The following SAMD8 variants were observed in gnomAD, a reference collection of about 807,000 sequenced individuals.
The protein encoded by SAMD8 is sphingomyelin synthase-related protein 1.
Under a neutral mutation model 42.0 loss-of-function variants are expected in SAMD8, and 20 were observed. That is an observed-to-expected ratio of 0.48 (90% CI 0.34 to 0.69). The LOEUF is 0.69. SAMD8 is among the 30% of genes least tolerant of loss of function. The pLI, the probability that SAMD8 is intolerant of heterozygous loss-of-function variation, is 0.01. For missense variants in SAMD8, 328 were observed against 511.6 expected, an observed-to-expected ratio of 0.64 and a Z score of 3.46; for synonymous variants, 162 against 173.0, an observed-to-expected ratio of 0.94 and a Z score of 0.50.
At chr10:75,149,179 A>G (rs1840221470) in intron 1 of SAMD8, among the ~76,000 whole-genome samples, 1 of 152,214 alleles carries the variant, frequency 6.6e-6, no homozygotes, top group East Asian at 1.9e-4. Context: ...TACTTTTGAG[A>G]AATAGTGTTT....
intron 1 of SAMD8, among the ~76,000 whole-genome samples, chr10:75,128,660 A>G (rs184298701): frequency 1.3e-5 from 2 of 152,348 alleles, no homozygotes; most frequent in East Asian, 3.9e-4. Flanking sequence ...TAGTAAAGCT[A>G]TAAAGAAAAA....
intron 2 of SAMD8, among the ~76,000 whole-genome samples, chr10:75,163,618 A>G (rs961748634): frequency 6.6e-6 from 1 of 151,824 alleles, no homozygotes; most frequent in Non-Finnish European, 1.5e-5. Flanking sequence ...TATTTTTTGT[A>G]GAGACCTGGG....
chr10:75,119,375 T>A (rs1429858038), intron 1 of SAMD8, among the ~76,000 whole-genome samples: 2 of 152,260 alleles, frequency 1.3e-5, no homozygotes, highest in East Asian at 3.9e-4. Context: ...CAGGCTGGTC[T>A]CGAACTCCTG....
Position 75,111,670 on chromosome 10 carries a change from G to A in SAMD8, c.-68G>A. 1 of 1,239,590 alleles carries A rather than the reference G, an allele frequency of 8.1e-7. No homozygotes were observed. Among genetic ancestry groups the A allele is most frequent in the Non-Finnish European group, 1.0e-6 (1 of 992,028 alleles). 76.8% of individuals were successfully genotyped at this position (1,239,590 alleles called of 1,614,324 possible). ...GGGAGGGCCCCGGACTCCGACGGCGGCTCGGACGCCGACTCGGAGGTGGGT... is the reference window on the plus strand; with the variant it reads ...GGGAGGGCCCCGGACTCCGACGGCGACTCGGACGCCGACTCGGAGGTGGGT... On this transcript the variant is annotated 5_prime_UTR_variant, in exon 1 of 6. Coordinates refer to ENST00000542569, the MANE Select transcript of SAMD8 (RefSeq NM_001174156.2).
chr10:75,170,770 G>GTTTTTTTTT (rs34290557), intron 4 of SAMD8, among the ~76,000 whole-genome samples: 1 of 105,218 alleles, frequency 9.5e-6, no homozygotes, highest in Non-Finnish European at 1.8e-5. Flanking sequence ...GTTTTTTTGG[G>GTTTTTTTTT]TTTTTTTTTT....
In SAMD8 at chr10:75,132,272, G is replaced by T. The variant is rs184015774; in HGVS notation, c.-15-18242G>T. Among the ~76,000 whole-genome samples, 4 of 152,298 alleles carry T rather than the reference G, an allele frequency of 2.6e-5. No individual in the cohort carries two copies. In the East Asian group the frequency reaches 7.7e-4, roughly 29 times the overall value. The stretch of plus-strand genomic sequence containing the variant: ...TTTGCCCTGATTACTTGCTCTACAA[G>T]TAGCGTTCTGATTATTAAATCAGCC... On this transcript the variant is annotated intron_variant, in intron 1 of 5. Coordinates refer to ENST00000542569, the MANE Select transcript of SAMD8 (RefSeq NM_001174156.2).
At chr10:75,128,453 C>G (rs1443298344) in intron 1 of SAMD8, among the ~76,000 whole-genome samples, 1 of 152,092 alleles carries the variant, frequency 6.6e-6, no homozygotes, top group Non-Finnish European at 1.5e-5. Context: ...CTGAAGCAGT[C>G]CTCCTGAGTT....
In SAMD8 at chr10:75,105,969, A is replaced by T. The variant is rs1052404502; in HGVS notation, c.-16+6241A>T. ...CCTTTCCTGACCCTGCCTTGGGTGC[A>T]CTCTGTGATCCTGAGCAAGTCACTC... On this transcript the variant is annotated intron_variant, in intron 1 of 3. Transcript: ENST00000447533. 3.8e-5 allele frequency: 42 copies of T among 1,103,046 alleles called. No individual in the cohort carries two copies. In the South Asian group the frequency reaches 6.3e-4, roughly 17 times the overall value. The allele number at this position is 1,103,046 out of a possible 1,614,324, so 68.3% of individuals were successfully genotyped here.
At chr10:75,153,113 C>G (rs1840329000) in intron 2 of SAMD8, among the ~76,000 whole-genome samples, 1 of 151,896 alleles carries the variant, frequency 6.6e-6, no homozygotes. Context: ...TTCCGAGTAA[C>G]TGGGATTACA....
intron 2 of SAMD8, among the ~76,000 whole-genome samples, chr10:75,155,320 A>G (rs1407546697): frequency 6.6e-6 from 1 of 152,188 alleles, no homozygotes; most frequent in African/African-American, 2.4e-5. Flanking sequence ...CAGGTTTGAA[A>G]TATGTTTTGT....
chr10:75,120,303 G>A (rs947796918), intron 1 of SAMD8, among the ~76,000 whole-genome samples: 1 of 151,884 alleles, frequency 6.6e-6, no homozygotes, highest in African/African-American at 2.4e-5. Context: ...ATGGAGTCTC[G>A]CTCTATTGCC....
chr10:75,137,676 TAAC>T (rs1187102382), intron 1 of SAMD8, among the ~76,000 whole-genome samples: 3 of 152,176 alleles, frequency 2.0e-5, no homozygotes, highest in African/African-American at 7.2e-5. Context: ...GGGAAATTCA[TAAC>T]AACAGAATAT....
upstream of SAMD8, among the ~76,000 whole-genome samples, chr10:75,108,496 C>T (rs1848656654): frequency 1.3e-5 from 2 of 152,166 alleles, no homozygotes. Context: ...TTGCTTCAGC[C>T]CTGGAACCTG....
chr10:75,176,391 C>T lies in SAMD8; in HGVS notation c.947C>T (p.Thr316Ile). 6.4e-7 allele frequency: 1 copy of T among 1,550,920 alleles called. No individual in the cohort carries two copies. Among genetic ancestry groups the T allele is most frequent in the East Asian group, 2.4e-5 (1 of 41,920 alleles). The change falls in exon 6 of 6, where the codon ACA becomes ATA. Residue 316 changes from threonine to isoleucine, a missense_variant. Coordinates refer to ENST00000542569, the MANE Select transcript of SAMD8 (RefSeq NM_001174156.2). The surrounding 1 kb of genome is among the most constrained non-coding windows in gnomAD (Gnocchi z 4.3). ...TMLNFFVTEY[T>I]PRSWNFLHTL... ...GATCTTTCTGTCCTTTTCCTAGATA[C>T]ACCAAGAAGCTGGAATTTCTTGCAC...
intron 4 of SAMD8, among the ~76,000 whole-genome samples, chr10:75,170,104 A>C (rs1840813601): frequency 6.6e-6 from 1 of 152,206 alleles, no homozygotes; most frequent in Non-Finnish European, 1.5e-5. Flanking sequence ...ATGGGAACAA[A>C]ATAAGACTGT....
At chr10:75,174,430 C>CTTTT (rs1159237277) in intron 4 of SAMD8, among the ~76,000 whole-genome samples, 2 of 102,766 alleles carry the variant, frequency 1.9e-5, no homozygotes, top group African/African-American at 3.7e-5. Context: ...TGCCTGGCCT[C>CTTTT]TTTTTTTTTT....
rs1475493308 is a variant in SAMD8, at chr10:75,178,081, C to G, written c.*1389C>G. 6.6e-6 allele frequency: 1 copy of G among 152,192 alleles called. No homozygotes were observed. Among genetic ancestry groups the G allele is most frequent in the Non-Finnish European group, 1.5e-5 (1 of 68,040 alleles). 9.4% of individuals were successfully genotyped at this position (152,192 alleles called of 1,614,324 possible). ...CTGCAATTAGGCCACATAGCAGAAG[C>G]TTGCTCCTTCCTTATCTGGGTGAAA... On this transcript the variant is annotated 3_prime_UTR_variant, in exon 6 of 6. Transcript: ENST00000542569.
At chr10:75,119,092 C>T (rs899672798) in intron 1 of SAMD8, among the ~76,000 whole-genome samples, 1 of 151,448 alleles carries the variant, frequency 6.6e-6, no homozygotes, top group Non-Finnish European at 1.5e-5. Context: ...AATTTTTTTA[C>T]GTTTTATACA....
intron 1 of SAMD8, among the ~76,000 whole-genome samples, chr10:75,136,702 T>C (rs1256966603): frequency 1.3e-5 from 2 of 152,160 alleles, no homozygotes; most frequent in African/African-American, 4.8e-5. Flanking sequence ...CAACATGAAA[T>C]GCTGAGTTTG....
Sources: allele counts gnomAD v4.1 joint callset (sites outside exome capture counted in the v4.1 genomes callset), GRCh38; gene constraint gnomAD v4.1.1; non-coding constraint Gnocchi (gnomAD v3.1); transcripts MANE v1.5; gene names NCBI Gene and HGNC (gene_info 2026-07-23, HGNC 2026-07-21).